RP1: variants seen among roughly 807,000 people sequenced by gnomAD.
RP1 encodes the protein oxygen-regulated protein 1.
Under a neutral mutation model 14.8 loss-of-function variants are expected in RP1, and 16 were observed. The observed-to-expected ratio is 1.08, with a 90% CI of 0.73 to 1.65. The LOEUF (loss-of-function observed/expected upper bound fraction) is 1.65. Among genes scored for constraint, RP1 ranks in the 40% most tolerant of loss-of-function variants. RP1 has a pLI of 0.00. For missense variants in RP1, 2,631 were observed against 2,535.0 expected (o/e 1.04, Z -0.81); for synonymous variants, 876 against 883.6 (o/e 0.99, Z 0.15).
intron 19 of RP1, among the ~76,000 whole-genome samples, chr8:54,751,044 C>T (rs1243082048): frequency 2.0e-5 from 3 of 152,184 alleles, no homozygotes; most frequent in Admixed American, 6.5e-5. Context: ...CTCTTTGGGT[C>T]CGTGCCATCT....
chr8:54,789,815 G>A (rs2129383929), intron 24 of RP1, among the ~76,000 whole-genome samples: 1 of 152,288 alleles, frequency 6.6e-6, no homozygotes, highest in East Asian at 1.9e-4. Flanking sequence ...GTGGAGCACA[G>A]CAACAGCTCT....
intron 25 of RP1, among the ~76,000 whole-genome samples, chr8:54,846,620 C>T (rs982244158): frequency 2.0e-5 from 3 of 152,186 alleles, no homozygotes; most frequent in Admixed American, 2.0e-4. Flanking sequence ...ATCATTTTGA[C>T]TCCAAATAAA....
intron 19 of RP1, among the ~76,000 whole-genome samples, chr8:54,750,670 C>CAGTAGCTAGCAAGGGGAT (rs1585660331): frequency 6.6e-6 from 1 of 152,232 alleles, no homozygotes; most frequent in East Asian, 1.9e-4. Flanking sequence ...AATTAGTGCT[C>CAGTAGCTAGCAAGGGGAT]TGTAGCTAGC....
At chr8:54,678,300 A>G (rs576219584) in intron 8 of RP1, among the ~76,000 whole-genome samples, 1 of 152,314 alleles carries the variant, frequency 6.6e-6, no homozygotes, top group South Asian at 2.1e-4. Flanking sequence ...CATTCCTTAC[A>G]GTTTACTTCT....
chr8:54,624,212 C>T (rs567722220), intron 3 of RP1, among the ~76,000 whole-genome samples: 9 of 151,892 alleles, frequency 5.9e-5, no homozygotes, highest in South Asian at 2.1e-4. Flanking sequence ...GAGGCCGAGG[C>T]GGGCGGATCA....
chr8:54,804,964 G>T (rs192360736), intron 24 of RP1, among the ~76,000 whole-genome samples: 1 of 152,318 alleles, frequency 6.6e-6, no homozygotes, highest in East Asian at 1.9e-4. Context: ...AAATATGGGT[G>T]TAGCTTTCAA....
chr8:54,770,646 A>G (rs1472919170), downstream of RP1, among the ~76,000 whole-genome samples: 1 of 150,588 alleles, frequency 6.6e-6, no homozygotes, highest in African/African-American at 2.4e-5. Context: ...TTCATGTCAC[A>G]AAAAGTAACC....
upstream of RP1, among the ~76,000 whole-genome samples, chr8:54,614,774 T>C (rs1342228118): frequency 2.6e-5 from 4 of 152,138 alleles, no homozygotes; most frequent in Admixed American, 2.6e-4. Flanking sequence ...TTTGATTCTT[T>C]TGATGCTGAT....
chr8:54,716,263 T>TC (rs1808401252), intron 15 of RP1, among the ~76,000 whole-genome samples: 1 of 152,254 alleles, frequency 6.6e-6, no homozygotes, highest in Non-Finnish European at 1.5e-5. Context: ...CTGATGGATT[T>TC]CTTTTTTTCT....
intron 1 of RP1, among the ~76,000 whole-genome samples, chr8:54,572,561 T>C (rs886599904): frequency 1.3e-5 from 2 of 152,192 alleles, no homozygotes; most frequent in African/African-American, 4.8e-5. Flanking sequence ...GTTCTTTTCG[T>C]GTTGAAAGCA....
rs1444575215 is a variant in RP1, at chr8:54,720,303, C to T, written c.2386C>T (p.Gln796Ter). The stretch of plus-strand genomic sequence containing the variant: ...TGTTTGCTTCTATCCACAAGTCATC[C>T]AATGTATGTTTACTCTGAAATGCTT... Residue 796 changes from glutamine (Q) to a stop codon, truncating the protein, a stop_gained, in exon 16 of 23, where the codon CAA becomes TAA. Coordinates refer to the RP1 transcript ENST00000636932. LOFTEE classifies it high-confidence loss of function. The T allele has an allele frequency of 6.5e-6, 10 of 1,534,008 alleles. No homozygotes were observed. Among genetic ancestry groups the T allele is most frequent in the East Asian group, 2.4e-5 (1 of 40,884 alleles).
At chr8:54,668,094 A>T (rs1395120713) in intron 7 of RP1, among the ~76,000 whole-genome samples, 2 of 152,298 alleles carry the variant, frequency 1.3e-5, no homozygotes, top group East Asian at 1.9e-4. Context: ...CCTCAATAAA[A>T]TACTGGCAAA....
At chr8:54,608,089 C>T (rs909951806) in intron 1 of RP1, among the ~76,000 whole-genome samples, 10 of 152,070 alleles carry the variant, frequency 6.6e-5, no homozygotes, top group South Asian at 4.2e-4. Flanking sequence ...GATATGAACC[C>T]GGTACCTCAG....
chr8:54,690,558 A>G (rs1487178017), intron 12 of RP1, among the ~76,000 whole-genome samples: 1 of 152,008 alleles, frequency 6.6e-6, no homozygotes, highest in East Asian at 1.9e-4. Context: ...CTAAATAGAG[A>G]AAGAAACCTT....
exon 16 of RP1, chr8:54,720,288 T>C: frequency 6.5e-7 from 1 of 1,534,956 alleles, no homozygotes; most frequent in Admixed American, 2.0e-5. Context: ...TGTTTGCTTC[T>C]ATCCACAAGT....
intron 3 of RP1, among the ~76,000 whole-genome samples, chr8:54,624,134 T>C (rs1172982001): frequency 6.6e-6 from 1 of 152,150 alleles, no homozygotes; most frequent in African/African-American, 2.4e-5. Context: ...GTAGGTTTTC[T>C]CAAATAACTA....
chr8:54,868,641 T>C (rs530067943), intron 28 of RP1, among the ~76,000 whole-genome samples: 5 of 152,200 alleles, frequency 3.3e-5, no homozygotes, highest in Non-Finnish European at 7.3e-5. Flanking sequence ...ATGATATAAC[T>C]ATGATTTTGT....
intron 26 of RP1, among the ~76,000 whole-genome samples, chr8:54,854,131 AC>A (rs1812132037): frequency 6.6e-6 from 1 of 152,296 alleles, no homozygotes; most frequent in African/African-American, 2.4e-5. Flanking sequence ...AATCTCAGAA[AC>A]TTTTTTAAAC....
Position 54,823,050 on chromosome 8 carries a change from T to C in RP1, c.3616-14400T>C, listed in dbSNP as rs901441661. Among the ~76,000 whole-genome samples the C allele has an allele frequency of 5.3e-5, 8 of 152,186 alleles. No individual in the cohort carries two copies. In the East Asian group the frequency reaches 1.5e-3, roughly 29 times the overall value. On this transcript the variant is annotated intron_variant, in intron 24 of 28. Transcript: ENST00000637698. ...TAATAGTTCAGTATCTAAGCCTTAG[T>C]ACAATGTGTGTGCATAGTTCTACGT...
Sources: gnomAD v4.1 joint callset for allele counts (sites outside exome capture counted in the v4.1 genomes callset) on GRCh38, gnomAD v4.1.1 for gene constraint, MANE v1.5 for transcripts, NCBI Gene and HGNC (gene_info 2026-07-23, HGNC 2026-07-21) for gene names.